The following GLCCI1 variants were observed in gnomAD, a reference collection of about 807,000 sequenced individuals.
The protein encoded by GLCCI1 is glucocorticoid induced 1.
GLCCI1 carries 24 observed loss-of-function variants against 52.2 expected under a neutral mutation model. That is an observed-to-expected ratio of 0.46 (90% CI 0.33 to 0.65). GLCCI1 has a LOEUF of 0.65. Ranked by LOEUF, GLCCI1 falls within the 30% of genes least tolerant of loss-of-function variation. The pLI is 0.02. For synonymous variants in GLCCI1, 310 were observed against 276.5 expected, an observed-to-expected ratio of 1.12 and a Z score of -1.20; for missense variants, 704 against 701.5, an observed-to-expected ratio of 1.00 and a Z score of -0.04.
chr7:8,023,851 G>A (rs912286775), intron 3 of GLCCI1, among the ~76,000 whole-genome samples: 7 of 151,552 alleles, frequency 4.6e-5, no homozygotes, highest in Admixed American at 1.3e-4. Flanking sequence ...TGCCCACCTC[G>A]GCCTCCCAAA....
Position 8,089,036 on chromosome 7 carries a change from A to G in GLCCI1, c.*2498A>G, listed in dbSNP as rs1783178406. 6.6e-6 allele frequency: 1 copy of G among 152,628 alleles called. No individual in the cohort carries two copies. The allele number at this position is 152,628 out of a possible 1,614,324, so 9.5% of individuals were successfully genotyped here. On this transcript the variant is annotated 3_prime_UTR_variant, in exon 8 of 8. Coordinates refer to ENST00000223145, the MANE Select transcript of GLCCI1 (RefSeq NM_138426.4). The stretch of plus-strand genomic sequence containing the variant: ...TTTGTTTTGTATTTTTTCAGTATAG[A>G]AGTTCCTGTGTCTTATTTAAATAAA...
At chr7:8,025,088 G>C (rs923421011) in intron 3 of GLCCI1, among the ~76,000 whole-genome samples, 2 of 152,206 alleles carry the variant, frequency 1.3e-5, no homozygotes, top group Non-Finnish European at 2.9e-5. Flanking sequence ...AGAAAGTTTT[G>C]AGAGGTAAGA....
At chr7:8,029,214 A>C (rs904783427) in intron 3 of GLCCI1, among the ~76,000 whole-genome samples, 14 of 152,206 alleles carry the variant, frequency 9.2e-5, no homozygotes, top group Non-Finnish European at 1.0e-4. Flanking sequence ...CAAAATAACT[A>C]GCAAACCAAA....
intron 3 of GLCCI1, among the ~76,000 whole-genome samples, chr7:8,041,662 G>A (rs999864712): frequency 5.9e-5 from 9 of 151,986 alleles, no homozygotes; most frequent in Admixed American, 2.0e-4. Flanking sequence ...TGGCATGATC[G>A]TAGCTCACTG....
At chr7:8,042,239 C>T (rs1010625868) in intron 3 of GLCCI1, among the ~76,000 whole-genome samples, 17 of 152,108 alleles carry the variant, frequency 1.1e-4, no homozygotes, top group African/African-American at 4.1e-4. Context: ...ATCTTCAATT[C>T]TTATTATTTA....
At chr7:8,021,610 T>G (rs1583978267) in intron 2 of GLCCI1, among the ~76,000 whole-genome samples, 1 of 151,960 alleles carries the variant, frequency 6.6e-6, no homozygotes, top group Non-Finnish European at 1.5e-5. Flanking sequence ...ACCATGTTGG[T>G]CAGGCTGGTC....
At chr7:8,032,647 A>T (rs778466679) in intron 3 of GLCCI1, among the ~76,000 whole-genome samples, 3 of 152,036 alleles carry the variant, frequency 2.0e-5, no homozygotes, top group Non-Finnish European at 4.4e-5. Context: ...CTGAGATGAA[A>T]TGGACAAATT....
chr7:8,004,117 A>C, intron 2 of GLCCI1, 58 bp downstream of exon 2: 1 of 1,418,844 alleles, frequency 7.0e-7, no homozygotes, highest in South Asian at 1.6e-5. Context: ...TTTTGATCAC[A>C]GTAAAGAAAA....
At position 8,087,892 on chromosome 7, in the gene GLCCI1, C is replaced by T. The variant is rs139893298; in HGVS notation, c.*1354C>T. The T allele has an allele frequency of 5.0e-4, 77 of 152,708 alleles. No homozygotes were observed. The highest frequency in any genetic ancestry group is 1.8e-3 in the African/African-American group (74 of 41,564). The allele number at this position is 152,708 out of a possible 1,614,324, so 9.5% of individuals were successfully genotyped here. On this transcript the variant is annotated 3_prime_UTR_variant, in exon 8 of 8. Transcript: ENST00000223145. ...CTTGCAGACTTTTGACACAAGTTCT[C>T]CACAAAGTGTGAAGAGAGCCCCAGG...
intron 1 of GLCCI1, among the ~76,000 whole-genome samples, chr7:8,001,436 A>G (rs1466349746): frequency 6.6e-6 from 1 of 152,226 alleles, no homozygotes; most frequent in East Asian, 1.9e-4. Flanking sequence ...AATGGCAATC[A>G]TTAAAAAGTC....
At chr7:8,034,848 A>G (rs990431557) in intron 3 of GLCCI1, among the ~76,000 whole-genome samples, 5 of 152,210 alleles carry the variant, frequency 3.3e-5, no homozygotes, top group African/African-American at 1.2e-4. Context: ...CTGGTATTCA[A>G]GAGTTCCTCT....
chr7:8,022,002 A>T (rs1781501480), intron 2 of GLCCI1, among the ~76,000 whole-genome samples: 1 of 152,198 alleles, frequency 6.6e-6, no homozygotes, highest in African/African-American at 2.4e-5. Context: ...TTCAAAAAAG[A>T]TACTAATACT....
chr7:8,044,847 A>G (rs1180784652), intron 3 of GLCCI1, among the ~76,000 whole-genome samples: 1 of 152,240 alleles, frequency 6.6e-6, no homozygotes, highest in African/African-American at 2.4e-5. Context: ...ATCTACATTT[A>G]TGACAAGAAA....
intron 1 of GLCCI1, among the ~76,000 whole-genome samples, chr7:7,998,269 T>A (rs184976217): frequency 2.3e-3 from 352 of 152,084 alleles, no homozygotes; most frequent in Non-Finnish European, 3.7e-3. Context: ...CAGGCTGGAG[T>A]GCAGTGGCGT....
chr7:8,020,693 T>G (rs537358076), intron 2 of GLCCI1, among the ~76,000 whole-genome samples: 1 of 152,344 alleles, frequency 6.6e-6, no homozygotes, highest in African/African-American at 2.4e-5. Context: ...TGCTAAAAAT[T>G]TGACTCATTT....
intron 1 of GLCCI1, chr7:7,980,999 G>A (rs1780602345): frequency 9.2e-6 from 5 of 545,512 alleles, no homozygotes; most frequent in Admixed American, 5.4e-5. Flanking sequence ...CATTTCAAAC[G>A]AAGGTCAGCC....
chr7:8,035,254 A>G (rs1781840250), intron 3 of GLCCI1, among the ~76,000 whole-genome samples: 1 of 152,146 alleles, frequency 6.6e-6, no homozygotes, highest in Admixed American at 6.5e-5. Context: ...CTTGGCTGAG[A>G]GTGACTGCTA....
chr7:8,009,156 C>G (rs1044565555), intron 2 of GLCCI1, among the ~76,000 whole-genome samples: 4 of 152,148 alleles, frequency 2.6e-5, no homozygotes, highest in African/African-American at 9.7e-5. Flanking sequence ...GAAAGAAAAA[C>G]TAAAATCCAT....
chr7:7,986,384 G>A (rs983147510), intron 1 of GLCCI1, among the ~76,000 whole-genome samples: 1 of 151,890 alleles, frequency 6.6e-6, no homozygotes, highest in Admixed American at 6.6e-5. Flanking sequence ...CAGGGGGAGG[G>A]GGGGGTGGCA....
Sources: gnomAD v4.1 joint callset for allele counts (sites outside exome capture counted in the v4.1 genomes callset) on GRCh38, gnomAD v4.1.1 for gene constraint, MANE v1.5 for transcripts, NCBI Gene and HGNC (gene_info 2026-07-23, HGNC 2026-07-21) for gene names.